Variants in C20orf96 observed in about 807,000 individuals in gnomAD.
C20orf96 encodes uncharacterized protein C20orf96.
Under a neutral mutation model 52.6 loss-of-function variants are expected in C20orf96, and 57 were observed. The observed-to-expected ratio is 1.08, with a 90% CI of 0.88 to 1.35. The LOEUF (loss-of-function observed/expected upper bound fraction) is 1.35. Ranked by LOEUF, C20orf96 falls within the 40% of genes most tolerant of loss-of-function variation. The pLI, the probability that C20orf96 is intolerant of heterozygous loss-of-function variation, is 0.00. For missense variants in C20orf96, 478 were observed against 443.6 expected, an observed-to-expected ratio of 1.08 and a Z score of -0.70; for synonymous variants, 168 against 157.2, an observed-to-expected ratio of 1.07 and a Z score of -0.51.
At chr20:284,118 G>C in intron 3 of C20orf96, 37 bp from the exon 4 acceptor site, 1 of 1,553,040 alleles carries the variant, frequency 6.4e-7, no homozygotes, top group Non-Finnish European at 8.9e-7. Context: ...AGAGAGTGAG[G>C]GTCCCGGAAG....
intron 10 of C20orf96, 26 bp downstream of exon 10, chr20:275,942 G>C: frequency 6.2e-7 from 1 of 1,601,210 alleles, no homozygotes; most frequent in South Asian, 1.1e-5. Context: ...ACTGGTTTAA[G>C]AGGCAGTGGC....
At chr20:279,431 C>T in intron 4 of C20orf96, 101 bp from the exon 5 acceptor site, 1 of 1,305,528 alleles carries the variant, frequency 7.7e-7, no homozygotes, top group Non-Finnish European at 1.0e-6. Flanking sequence ...CAGACGCCCG[C>T]CCCCGTGCGG....
intron 4 of C20orf96, among the ~76,000 whole-genome samples, chr20:279,838 C>T (rs978997992): frequency 6.6e-6 from 1 of 152,148 alleles, no homozygotes; most frequent in East Asian, 1.9e-4. Flanking sequence ...AGCGTGGTGG[C>T]GCGTGCCTGT....
rs6075583 is a variant in C20orf96 at position 277,162 on chromosome 20, G to C, written c.724-17C>G. The C allele has an allele frequency of 0.31, 492,482 of 1,613,564 alleles. 80,084 individuals carry two copies. Among genetic ancestry groups the C allele is most frequent in the East Asian group, 0.37 (16,653 of 44,852 alleles). On this transcript the variant is annotated splice_polypyrimidine_tract_variant and intron_variant, in intron 7 of 10. Transcript: ENST00000360321. ...CAGCTCATCCTGGGAGCCAGCAGAA[G>C]GGTGTTGGTCACCAGTCCTGCCTCC... is the stretch of plus-strand genomic sequence containing the variant.
intron 4 of C20orf96, among the ~76,000 whole-genome samples, chr20:283,366 C>T (rs1305244992): frequency 1.3e-5 from 2 of 151,882 alleles, no homozygotes; most frequent in Non-Finnish European, 2.9e-5. Context: ...TGCAGTGGCA[C>T]CATCTCAGCT....
intron 3 of C20orf96, among the ~76,000 whole-genome samples, chr20:288,710 C>T (rs1028553876): frequency 2.6e-5 from 4 of 152,150 alleles, no homozygotes; most frequent in Non-Finnish European, 5.9e-5. Context: ...GTGTTGCCCA[C>T]AGGGGAGCTG....
At chr20:278,901 G>C (rs1274553901) in intron 5 of C20orf96, among the ~76,000 whole-genome samples, 1 of 80,872 alleles carries the variant, frequency 1.2e-5, no homozygotes, top group Non-Finnish European at 2.3e-5. Context: ...CAGTGGGCGG[G>C]GAAAGGCAGG....
At chr20:289,537 G>A in intron 3 of C20orf96, 22 bp downstream of exon 3, 2 of 1,535,388 alleles carry the variant, frequency 1.3e-6, no homozygotes, top group Non-Finnish European at 1.8e-6. Context: ...CCCCACACCA[G>A]CTCCCAGGTG....
chr20:276,431 A>C lies in C20orf96; in HGVS notation c.913-345T>G, dbSNP rs148359201. 6.7e-5 allele frequency: 66 copies of C among 985,440 alleles called. No homozygotes were observed. The East Asian group carries it at 4.1e-3, about 61-fold the overall frequency. The allele number at this position is 985,440 out of a possible 1,614,324, so 61.0% of individuals were successfully genotyped here. On this transcript the variant is annotated intron_variant, in intron 9 of 10. Transcript: ENST00000360321. ...GTGAAGAGGCAAGATAATGAAAATT[A>C]ATTCAAGAAGGCAGTGATGGTGAAG...
In C20orf96 at chr20:277,335, T is replaced by C. The variant is rs772847665; in HGVS notation, c.614A>G (p.Gln205Arg). ...EQLNAKIEKT[Q>R]EEVNFLSTYM... ...AGTGCTCAGGAAGTTCACTTCCTCC[T>C]GGGTCTTCTCAATCTTGGCATTCAG... is the stretch of plus-strand genomic sequence containing the variant. Residue 205 changes from glutamine to arginine, a missense_variant, in exon 7 of 11, where the codon CAG becomes CGG. Gln to Arg is a conservative substitution (Grantham distance 43). Coordinates refer to ENST00000360321, the MANE Select transcript of C20orf96 (RefSeq NM_153269.3). 6.2e-7 allele frequency: 1 copy of C among 1,614,142 alleles called. No homozygotes were observed. Among genetic ancestry groups the C allele is most frequent in the East Asian group, 2.2e-5 (1 of 44,880 alleles).
chr20:287,552 T>A (rs914838848), intron 3 of C20orf96, among the ~76,000 whole-genome samples: 30 of 152,322 alleles, frequency 2.0e-4, no homozygotes, highest in African/African-American at 6.7e-4. Flanking sequence ...ACTGATATAT[T>A]CTACATAGTA....
intron 8 of C20orf96, 54 bp downstream of exon 8, chr20:276,990 C>T (rs542315694): frequency 1.1e-5 from 18 of 1,590,126 alleles, no homozygotes; most frequent in South Asian, 5.6e-5. Context: ...GGGAAGAGGG[C>T]GGGGTGGGGG....
chr20:280,965 G>C (rs2012239472), intron 4 of C20orf96, among the ~76,000 whole-genome samples: 2 of 152,100 alleles, frequency 1.3e-5, no homozygotes, highest in African/African-American at 2.4e-5. Flanking sequence ...GACCAGCCTG[G>C]GCAACATAGT....
At chr20:283,869 T>C (rs775181265) in intron 4 of C20orf96, 94 bp downstream of exon 4, 6 of 865,378 alleles carry the variant, frequency 6.9e-6, no homozygotes, top group Non-Finnish European at 1.2e-5. Context: ...ATGAGTCAAG[T>C]CTGGCACCCA....
At chr20:278,530 C>A in intron 5 of C20orf96, 101 bp from the exon 6 acceptor site, 1 of 826,412 alleles carries the variant, frequency 1.2e-6, no homozygotes, top group Non-Finnish European at 2.1e-6. Flanking sequence ...AACCTCACTC[C>A]CAGAAACCTG....
In C20orf96 at chr20:280,287, T is replaced by C. The variant is rs867746147; in HGVS notation, c.307-957A>G. ...CCTACAGTAACAATAACAACAACAA[T>C]TGTACTCCCCTAAGGTTACACCCAG... On this transcript the variant is annotated intron_variant, in intron 4 of 10. Coordinates refer to ENST00000360321, the MANE Select transcript of C20orf96 (RefSeq NM_153269.3). Among the ~76,000 whole-genome samples, 349 of 133,750 alleles carry C rather than the reference T, an allele frequency of 2.6e-3. 9 individuals are homozygous for C. Among genetic ancestry groups the C allele is most frequent in the Middle Eastern group, 0.023 (6 of 256 alleles). The allele number at this position is 133,750 out of a possible 152,430, so 87.7% of individuals were successfully genotyped here.
Position 276,019 on chromosome 20 carries a change from G to T in C20orf96, c.980C>A (p.Thr327Asn). 2 of 1,614,184 alleles carry T rather than the reference G, an allele frequency of 1.2e-6. No homozygotes were observed. The highest frequency in any genetic ancestry group is 1.7e-6 in the Non-Finnish European group (2 of 1,180,042). ...RAEVEELQAQ[T>N]REPREVIFED... ...AAATATGACCTCTCGGGGTTCCCGG[G>T]TCTGGGCTTGGAGCTCTTCCACCTC... is the stretch of plus-strand genomic sequence containing the variant. The change falls in exon 10 of 11, where the codon ACC (threonine) becomes AAC (asparagine). Residue 327 changes from threonine (T) to asparagine (N), a missense_variant. Thr to Asn is a moderately conservative substitution (Grantham distance 65, BLOSUM62 0). Coordinates refer to ENST00000360321, the MANE Select transcript of C20orf96 (RefSeq NM_153269.3).
At chr20:287,409 T>A (rs2012415499) in intron 3 of C20orf96, among the ~76,000 whole-genome samples, 1 of 152,250 alleles carries the variant, frequency 6.6e-6, no homozygotes, top group Non-Finnish European at 1.5e-5. Context: ...ATTGCCCCAA[T>A]GGCTAATGAT....
chr20:273,426 ACT>A (rs879728842), intron 10 of C20orf96, among the ~76,000 whole-genome samples: 2 of 151,430 alleles, frequency 1.3e-5, no homozygotes, highest in Non-Finnish European at 2.9e-5. Context: ...CCTTCCCGCC[ACT>A]CTCCCTGTCA....
Sources: allele counts gnomAD v4.1 joint callset (sites outside exome capture counted in the v4.1 genomes callset), GRCh38; gene constraint gnomAD v4.1.1; transcripts MANE v1.5; gene names NCBI Gene and HGNC (gene_info 2026-07-23, HGNC 2026-07-21).